EYA2: variants seen among roughly 807,000 people sequenced by gnomAD.
EYA2 encodes the protein EYA transcriptional coactivator and phosphatase 2, also known as protein phosphatase EYA2.
Under a neutral mutation model 69.2 loss-of-function variants are expected in EYA2, and 31 were observed. The ratio of observed to expected loss-of-function variants is 0.45; its 90% CI spans 0.34 to 0.60. EYA2 has a LOEUF of 0.60. EYA2 is among the 20% of genes least tolerant of loss of function. The probability of loss-of-function intolerance (pLI) is 0.02; values close to 1 mark genes in which losing one functional copy is unlikely to be tolerated. For missense variants in EYA2, 622 were observed against 701.2 expected, an observed-to-expected ratio of 0.89 and a Z score of 1.28; for synonymous variants, 257 against 279.4, an observed-to-expected ratio of 0.92 and a Z score of 0.80.
At chr20:47,072,317 G>A (rs1463706717) in intron 6 of EYA2, 65 bp downstream of exon 6, 5 of 1,483,720 alleles carry the variant, frequency 3.4e-6, no homozygotes, top group Non-Finnish European at 4.6e-6. Flanking sequence ...TTACATCAGG[G>A]CACCCAGAGA....
At chr20:47,176,552 T>G (rs1372200691) in intron 12 of EYA2, among the ~76,000 whole-genome samples, 2 of 152,108 alleles carry the variant, frequency 1.3e-5, no homozygotes, top group Non-Finnish European at 2.9e-5. Context: ...CTAGATGAGA[T>G]TCTAATAATG....
chr20:47,171,281 G>A lies in EYA2; in HGVS notation c.1038-1426G>A, dbSNP rs56708992. On this transcript the variant is annotated intron_variant, in intron 11 of 15. Transcript: ENST00000327619. ...TCACTTTGAGAATTCTCAGCCCAAG[G>A]GTGTTTTCTTCCTTAGAGACCAAAT... 3.3e-5 allele frequency among the ~76,000 whole-genome samples: 5 copies of A among 152,196 alleles called. No individual in the cohort carries two copies. In the East Asian group the frequency reaches 9.6e-4, roughly 29 times the overall value.
At chr20:46,978,797 C>A (rs1403618836) in intron 1 of EYA2, among the ~76,000 whole-genome samples, 1 of 152,082 alleles carries the variant, frequency 6.6e-6, no homozygotes, top group Non-Finnish European at 1.5e-5. Context: ...TGGAGGTGAA[C>A]TTTATAAGGC....
At chr20:46,981,684 CATT>C (rs1465575427) in intron 1 of EYA2, among the ~76,000 whole-genome samples, 1 of 152,000 alleles carries the variant, frequency 6.6e-6, no homozygotes, top group Non-Finnish European at 1.5e-5. Context: ...ATTATTTTAT[CATT>C]ATTGTATGTC....
chr20:47,064,724 C>T (rs975168113), intron 5 of EYA2, among the ~76,000 whole-genome samples: 13 of 152,176 alleles, frequency 8.5e-5, no homozygotes, highest in African/African-American at 2.7e-4. Flanking sequence ...CCCAGACACT[C>T]GTGTTGGGTC....
At chr20:47,154,812 T>C (rs1439402448) in intron 10 of EYA2, among the ~76,000 whole-genome samples, 4 of 135,010 alleles carry the variant, frequency 3.0e-5, no homozygotes, top group African/African-American at 1.2e-4. Flanking sequence ...TTTTTGTTTA[T>C]TTTGTTTTGT....
At chr20:47,061,738 A>G (rs898335231) in intron 5 of EYA2, among the ~76,000 whole-genome samples, 2 of 152,172 alleles carry the variant, frequency 1.3e-5, no homozygotes, top group Admixed American at 6.5e-5. Flanking sequence ...TCCTACGCTC[A>G]TCTCATTGCA....
intron 9 of EYA2, among the ~76,000 whole-genome samples, chr20:47,135,818 C>CAAAAAAAAAAAAAAAAAAAAAAAA (rs1201324879): frequency 6.0e-5 from 2 of 33,196 alleles, no homozygotes; most frequent in Non-Finnish European, 1.1e-4. Flanking sequence ...CCTGTCTCTA[C>CAAAAAAAAAAAAAAAAAAAAAAAA]AAAAAAAAAA....
intron 1 of EYA2, among the ~76,000 whole-genome samples, chr20:46,947,759 A>G (rs1978548354): frequency 1.3e-5 from 2 of 152,306 alleles, no homozygotes; most frequent in African/African-American, 4.8e-5. Context: ...AATAGAGTGA[A>G]GAAGTGCAGC....
intron 5 of EYA2, among the ~76,000 whole-genome samples, chr20:47,017,794 G>A (rs1983501426): frequency 1.3e-5 from 2 of 152,202 alleles, no homozygotes; most frequent in South Asian, 4.2e-4. Flanking sequence ...CACAGAAGAG[G>A]AAACTGAGGC....
At chr20:47,066,453 A>G (rs2031112151) in intron 5 of EYA2, among the ~76,000 whole-genome samples, 1 of 152,208 alleles carries the variant, frequency 6.6e-6, no homozygotes, top group Non-Finnish European at 1.5e-5. Context: ...CAAAATAGCA[A>G]TGTCTTCAAC....
chr20:46,955,507 T>TA (rs1436434687), intron 1 of EYA2, among the ~76,000 whole-genome samples: 1 of 152,248 alleles, frequency 6.6e-6, no homozygotes, highest in Non-Finnish European at 1.5e-5. Context: ...CAAAAGTAAT[T>TA]AACATGCTTA....
chr20:46,966,704 G>C (rs1432734967), intron 1 of EYA2, among the ~76,000 whole-genome samples: 1 of 152,034 alleles, frequency 6.6e-6, no homozygotes, highest in Non-Finnish European at 1.5e-5. Flanking sequence ...CAGCTACTTA[G>C]GAGGCTGAGG....
At chr20:47,119,623 G>A (rs181213902) in intron 9 of EYA2, among the ~76,000 whole-genome samples, 1 of 152,350 alleles carries the variant, frequency 6.6e-6, no homozygotes, top group East Asian at 1.9e-4. Flanking sequence ...CTTAGAGCCA[G>A]AATGAAGACT....
intron 8 of EYA2, chr20:47,096,091 A>C (rs1173680630): frequency 1.3e-5 from 2 of 152,248 alleles, no homozygotes; most frequent in Non-Finnish European, 2.9e-5. Flanking sequence ...GTTACATCAG[A>C]CAGGTATGAT....
intron 1 of EYA2, among the ~76,000 whole-genome samples, chr20:46,932,552 TAGTG>T (rs1320851925): frequency 2.0e-5 from 3 of 152,212 alleles, no homozygotes; most frequent in African/African-American, 4.8e-5. Flanking sequence ...GGTCTGGTGA[TAGTG>T]AGTGAGTGTT....
chr20:46,904,884 C>A (rs1429907327), intron 1 of EYA2, among the ~76,000 whole-genome samples: 1 of 152,166 alleles, frequency 6.6e-6, no homozygotes, highest in Non-Finnish European at 1.5e-5. Context: ...GGTTCAAGTC[C>A]TAGTTCTGCC....
rs77996681 is a variant in EYA2, at chr20:46,989,804, G to A, written c.-10-197G>A. On this transcript the variant is annotated intron_variant, in intron 1 of 15. Coordinates refer to ENST00000327619, the MANE Select transcript of EYA2 (RefSeq NM_005244.5). ...TAATCAACTGGGTGTATTCTCCAGCGGGGAGCAAGAACTTCATTTTAATTT... is the reference window on the plus strand; with the variant it reads ...TAATCAACTGGGTGTATTCTCCAGCAGGGAGCAAGAACTTCATTTTAATTT... Among the ~76,000 whole-genome samples, 285 of 152,264 alleles carry A rather than the reference G, an allele frequency of 1.9e-3. 3 individuals carry two copies. Among genetic ancestry groups the A allele is most frequent in the Admixed American group, 4.4e-3 (68 of 15,300 alleles).
chr20:46,940,600 C>A (rs76818464), intron 1 of EYA2, among the ~76,000 whole-genome samples: 1 of 152,184 alleles, frequency 6.6e-6, no homozygotes, highest in Non-Finnish European at 1.5e-5. Context: ...CAAAGGCCAC[C>A]CATGCAGCCA....
Sources: gnomAD v4.1 joint callset for allele counts (sites outside exome capture counted in the v4.1 genomes callset) on GRCh38, gnomAD v4.1.1 for gene constraint, MANE v1.5 for transcripts, NCBI Gene and HGNC (gene_info 2026-07-23, HGNC 2026-07-21) for gene names.